Variants in TRPM5 observed in about 807,000 individuals in gnomAD.
The protein encoded by TRPM5 is transient receptor potential cation channel subfamily M member 5, also known as MLSN1 and TRP-related.
In TRPM5, 121 loss-of-function variants were observed where a neutral mutation model predicts 124.9. The observed-to-expected ratio is 0.97, with a 90% CI of 0.84 to 1.13. The LOEUF is 1.13. TRPM5 is among the 50% of genes most tolerant of loss of function. The pLI is 0.00. For synonymous variants in TRPM5, 781 were observed against 700.5 expected (o/e 1.11, Z -1.81); for missense variants, 1,643 against 1,589.1 (o/e 1.03, Z -0.58).
upstream of TRPM5, among the ~76,000 whole-genome samples, chr11:2,424,904 C>CCCT (rs1252049925): frequency 6.6e-6 from 1 of 152,214 alleles, no homozygotes; most frequent in Non-Finnish European, 1.5e-5. Context: ...GGCCTCAGCC[C>CCCT]CCTCCTCCGG....
chr11:2,414,013 G>GCC, intron 12 of TRPM5, 48 bp downstream of exon 17: 1 of 625,664 alleles, frequency 1.6e-6, no homozygotes, highest in South Asian at 1.9e-5. Context: ...CAGCTCGCCC[G>GCC]CCCACCCCAC....
At chr11:2,436,447 A>G in the TRPM5 span, among the ~76,000 whole-genome samples, 1 of 152,226 alleles carries the variant, frequency 6.6e-6, no homozygotes, top group African/African-American at 2.4e-5. Context: ...TGGCTAGGAC[A>G]GCCACCACCA....
the TRPM5 span, among the ~76,000 whole-genome samples, chr11:2,441,941 G>C: frequency 1.3e-5 from 2 of 151,974 alleles, no homozygotes; most frequent in African/African-American, 4.8e-5. This position sits in a 1 kb window ranked among gnomAD's most constrained non-coding sequence, Gnocchi z 7.2. Flanking sequence ...AGCCTGCCTC[G>C]GCCTCCCAAA....
rs1486962793 is a variant in TRPM5 at position 2,412,738 on chromosome 11, T to A, written c.2355+16A>T. 1.3e-6 allele frequency: 2 copies of A among 1,577,354 alleles called. No individual in the cohort carries two copies. The highest frequency in any genetic ancestry group is 2.2e-5 in the East Asian group (1 of 44,508). On this transcript the variant is annotated intron_variant, in intron 15 of 23. Coordinates refer to ENST00000155858, the Ensembl canonical transcript of TRPM5. ...GCTGCAGAGTGGAGGGGACCTAGGC[T>A]AGTGTGGCCACCGACCTGCCGGATT...
At chr11:2,429,375 T>C in the TRPM5 span, among the ~76,000 whole-genome samples, 1 of 150,738 alleles carries the variant, frequency 6.6e-6, no homozygotes, top group South Asian at 2.1e-4. This position sits in a 1 kb window ranked among gnomAD's most constrained non-coding sequence, Gnocchi z 8.4. Flanking sequence ...GTGGTGATGA[T>C]CGTGGTTGTG....
exon 15 of TRPM5, chr11:2,412,915 C>A: frequency 6.3e-7 from 1 of 1,598,444 alleles, no homozygotes; most frequent in Non-Finnish European, 8.5e-7. Flanking sequence ...AACACAGTCA[C>A]GGGAGCGCCC....
At chr11:2,424,974 A>G (rs1446375960), upstream of TRPM5, among the ~76,000 whole-genome samples, 1 of 152,200 alleles carries the variant, frequency 6.6e-6, no homozygotes, top group South Asian at 2.1e-4. Context: ...CTGTCCCTGC[A>G]GGGTGATGCA....
At chr11:2,415,807 C>T (rs980821751) in intron 8 of TRPM5, 99 bp downstream of exon 13, 38 of 901,258 alleles carry the variant, frequency 4.2e-5, no homozygotes, top group East Asian at 1.1e-4. Context: ...CTGGGCAGAA[C>T]GGGCTCAGCC....
chr11:2,423,510 G>A (rs1845800494), upstream of TRPM5, among the ~76,000 whole-genome samples: 1 of 152,160 alleles, frequency 6.6e-6, no homozygotes, highest in Non-Finnish European at 1.5e-5. Context: ...GTGCACCTGG[G>A]TAGAGGTGAA....
chr11:2,419,629 A>AAAAAAAAC (rs1162496959), intron 4 of TRPM5, among the ~76,000 whole-genome samples: 1 of 57,302 alleles, frequency 1.7e-5, no homozygotes, highest in African/African-American at 6.0e-5. Context: ...CCTCAAAAAA[A>AAAAAAAAC]AAAAAAAAAA....
intron 18 of TRPM5, chr11:2,410,835 G>C: frequency 2.7e-6 from 1 of 373,396 alleles, no homozygotes; most frequent in Middle Eastern, 4.2e-4. Context: ...AATGGCGAAG[G>C]GGCCTTGCCA....
intron 23 of TRPM5, 84 bp from the exon 29 acceptor site, chr11:2,405,127 G>A (rs1850288437): frequency 8.6e-7 from 1 of 1,162,304 alleles, no homozygotes; most frequent in South Asian, 1.3e-5. Context: ...TCAGAGGCAA[G>A]GGCCAGGACG....
rs560662104 is a variant in TRPM5 at position 2,422,744 on chromosome 11, G to C, written c.117+176C>G. On this transcript the variant is annotated intron_variant, in intron 1 of 23. Coordinates refer to ENST00000155858, the Ensembl canonical transcript of TRPM5. ...TTGCAGGGAGGTAGGAGGCCGGCCA[G>C]AGCCACTCCTTCCAGCTCTGGAACT... Among the ~76,000 whole-genome samples, 69 of 152,128 alleles carry C rather than the reference G, an allele frequency of 4.5e-4. No individual in the cohort carries two copies. The East Asian group carries it at 9.1e-3, about 20-fold the overall frequency.
At chr11:2,416,682 G>A (rs1429786204) in intron 7 of TRPM5, among the ~76,000 whole-genome samples, 2 of 152,132 alleles carry the variant, frequency 1.3e-5, no homozygotes, top group Non-Finnish European at 2.9e-5. Flanking sequence ...AGAGCCACCC[G>A]CAGTCCAGAC....
At position 2,422,211 on chromosome 11, in the gene TRPM5, CT is replaced by C. The variant is rs1201782579; in HGVS notation, c.227del (p.Gln76ArgfsTer5). On this transcript the variant is annotated frameshift_variant, in exon 2 of 24. Coordinates refer to ENST00000155858, the Ensembl canonical transcript of TRPM5. LOFTEE classifies it high-confidence loss of function. ...GCAGCCAGGACTTCATGGCGAAAGG[CT>C]GCTCCTCACCCACCAGGGACACCAC... 3 of 1,612,392 alleles carry C rather than the reference CT, an allele frequency of 1.9e-6. No individual in the cohort carries two copies. Among genetic ancestry groups the C allele is most frequent in the Non-Finnish European group, 2.5e-6 (3 of 1,179,754 alleles).
intron 18 of TRPM5, among the ~76,000 whole-genome samples, chr11:2,410,079 C>A (rs752101463): frequency 6.6e-6 from 1 of 152,170 alleles, no homozygotes; most frequent in Non-Finnish European, 1.5e-5. Flanking sequence ...TGCTGGAGGC[C>A]GTATGGTGAG....
the TRPM5 span, among the ~76,000 whole-genome samples, chr11:2,440,411 T>G: frequency 6.6e-6 from 1 of 152,206 alleles, no homozygotes; most frequent in African/African-American, 2.4e-5. This position sits in a 1 kb window ranked among gnomAD's most constrained non-coding sequence, Gnocchi z 5.2. Flanking sequence ...ATAAGGATCC[T>G]CTGGAGAGAC....
exon 24 of TRPM5, chr11:2,404,713 A>C: frequency 1.8e-6 from 1 of 541,530 alleles, no homozygotes; most frequent in Non-Finnish European, 3.3e-6. Flanking sequence ...TGTGCCTGTC[A>C]GGGGAGACAG....
At chr11:2,432,966 C>T in the TRPM5 span, among the ~76,000 whole-genome samples, 3 of 152,246 alleles carry the variant, frequency 2.0e-5, no homozygotes, top group Non-Finnish European at 4.4e-5. Flanking sequence ...CCAAGGCCTC[C>T]GGGCAGATCC....
Sources: gnomAD v4.1 joint callset for allele counts (sites outside exome capture counted in the v4.1 genomes callset) on GRCh38, gnomAD v4.1.1 for gene constraint, Gnocchi (gnomAD v3.1) non-coding constraint, MANE v1.5 for transcripts, NCBI Gene and HGNC (gene_info 2026-07-23, HGNC 2026-07-21) for gene names.